NDUFS4: variants seen among roughly 807,000 people sequenced by gnomAD.
NDUFS4 encodes NADH dehydrogenase [ubiquinone] iron-sulfur protein 4, mitochondrial.
A neutral mutation model predicts 24.3 loss-of-function variants in NDUFS4; 28 were observed. The ratio of observed to expected loss-of-function variants is 1.15; its 90% confidence interval spans 0.85 to 1.58. NDUFS4 has a LOEUF of 1.58. NDUFS4 is among the 40% of genes most tolerant of loss of function. The pLI, the probability that NDUFS4 is intolerant of heterozygous loss-of-function variation, is 0.00. For synonymous variants in NDUFS4, 93 were observed against 69.7 expected (o/e 1.34, Z -1.67); for missense variants, 223 against 207.9 (o/e 1.07, Z -0.45).
At chr5:53,652,202 A>G (rs1378885959) in intron 3 of NDUFS4, among the ~76,000 whole-genome samples, 1 of 152,122 alleles carries the variant, frequency 6.6e-6, no homozygotes, top group Non-Finnish European at 1.5e-5. Flanking sequence ...GTGCAGTATA[A>G]GAAATATGAC....
intron 2 of NDUFS4, among the ~76,000 whole-genome samples, chr5:53,616,522 A>C (rs1174247032): frequency 6.6e-6 from 1 of 152,108 alleles, no homozygotes; most frequent in Non-Finnish European, 1.5e-5. Flanking sequence ...CTGTGTGAGT[A>C]TCTAAGGTAA....
chr5:53,671,119 A>G (rs535237548), intron 4 of NDUFS4, among the ~76,000 whole-genome samples: 1 of 152,088 alleles, frequency 6.6e-6, no homozygotes, highest in African/African-American at 2.4e-5. Context: ...TAGTATCTCT[A>G]TAAGTACACA....
chr5:53,599,341 CA>C lies in NDUFS4; in HGVS notation c.99-4110del, dbSNP rs550914562. 2.7e-4 allele frequency among the ~76,000 whole-genome samples: 41 copies of C among 152,210 alleles called. 1 individual carries two copies. In the South Asian group the frequency reaches 8.1e-3, roughly 30 times the overall value. On this transcript the variant is annotated intron_variant, in intron 1 of 4. Coordinates refer to ENST00000296684, the MANE Select transcript of NDUFS4 (RefSeq NM_002495.4). Reference sequence around the variant, plus strand: ...TTCTGTTTACTTTTTGAGAAACTGCCATACCATTTTCCATAGTGGTAGTACC... The same window carrying C: ...TTCTGTTTACTTTTTGAGAAACTGCCTACCATTTTCCATAGTGGTAGTACC...
intron 1 of NDUFS4, among the ~76,000 whole-genome samples, chr5:53,591,695 A>G (rs996197209): frequency 6.6e-6 from 1 of 152,214 alleles, no homozygotes; most frequent in Non-Finnish European, 1.5e-5. Flanking sequence ...CATTCCCACC[A>G]GCGATGAATG....
At chr5:53,584,386 G>A (rs574594910) in intron 1 of NDUFS4, among the ~76,000 whole-genome samples, 175 of 151,740 alleles carry the variant, frequency 1.2e-3, no homozygotes, top group African/African-American at 4.1e-3. Flanking sequence ...ATGGAGTTTC[G>A]GCCTTATCAC....
chr5:53,668,718 C>A (rs936306946), intron 4 of NDUFS4, among the ~76,000 whole-genome samples: 1 of 151,742 alleles, frequency 6.6e-6, no homozygotes, highest in Non-Finnish European at 1.5e-5. Flanking sequence ...GCCTTGGCCT[C>A]CCAAAGTGCT....
intron 2 of NDUFS4, among the ~76,000 whole-genome samples, chr5:53,621,374 TTCTG>T (rs201263298): frequency 0.011 from 1,730 of 152,246 alleles, 31 homozygotes; most frequent in African/African-American, 0.039. Flanking sequence ...GTTTGACAAT[TTCTG>T]TCTTTTAATT....
intron 4 of NDUFS4, among the ~76,000 whole-genome samples, chr5:53,659,549 C>T (rs1435071791): frequency 1.3e-5 from 2 of 152,146 alleles, no homozygotes; most frequent in East Asian, 1.9e-4. Context: ...CTGACCTTCA[C>T]CTCCCTCCAG....
intron 1 of NDUFS4, among the ~76,000 whole-genome samples, chr5:53,580,593 A>C (rs10036010): frequency 2.6e-5 from 4 of 152,140 alleles, no homozygotes; most frequent in African/African-American, 9.7e-5. Context: ...CAAATCCAGC[A>C]TACCTGAAAC....
intron 2 of NDUFS4, among the ~76,000 whole-genome samples, chr5:53,603,789 C>G (rs1750408797): frequency 1.3e-5 from 2 of 151,940 alleles, no homozygotes; most frequent in Non-Finnish European, 2.9e-5. Flanking sequence ...TTATAACTAG[C>G]AGAACATTCA....
chr5:53,565,142 A>T (rs1043569305), intron 1 of NDUFS4, among the ~76,000 whole-genome samples: 3 of 152,202 alleles, frequency 2.0e-5, no homozygotes, highest in Non-Finnish European at 2.9e-5. Context: ...CTCTGATGTG[A>T]GGTAGGTGTA....
intron 2 of NDUFS4, among the ~76,000 whole-genome samples, chr5:53,643,595 AG>A: frequency 6.6e-6 from 1 of 152,230 alleles, no homozygotes; most frequent in Middle Eastern, 3.4e-3. Flanking sequence ...CTTAAAGAAC[AG>A]GTTCTTCTGT....
chr5:53,664,605 T>C (rs1752454930), intron 4 of NDUFS4, among the ~76,000 whole-genome samples: 1 of 152,202 alleles, frequency 6.6e-6, no homozygotes, highest in African/African-American at 2.4e-5. Context: ...TGATACCCTT[T>C]CTTCCAGTTG....
chr5:53,593,598 C>A (rs1346274181), intron 1 of NDUFS4, among the ~76,000 whole-genome samples: 1 of 140,794 alleles, frequency 7.1e-6, no homozygotes, highest in Non-Finnish European at 1.6e-5. Flanking sequence ...GTTTATGTTG[C>A]CCTTTTTTTT....
At chr5:53,625,351 T>C (rs1751186647) in intron 2 of NDUFS4, among the ~76,000 whole-genome samples, 1 of 152,206 alleles carries the variant, frequency 6.6e-6, no homozygotes, top group Non-Finnish European at 1.5e-5. Flanking sequence ...TGTGGTTTTC[T>C]TTACATGTAT....
intron 2 of NDUFS4, among the ~76,000 whole-genome samples, chr5:53,610,345 A>C (rs191105646): frequency 2.6e-4 from 39 of 152,222 alleles, no homozygotes; most frequent in Middle Eastern, 3.4e-3. Context: ...ATATGGACGC[A>C]GTTTGTGGCA....
chr5:53,578,726 C>T (rs1451747339), intron 1 of NDUFS4, among the ~76,000 whole-genome samples: 1 of 152,152 alleles, frequency 6.6e-6, no homozygotes. Flanking sequence ...CTGTCCTGCT[C>T]CTCCTCGATG....
At chr5:53,653,384 G>A (rs748730222) in intron 3 of NDUFS4, among the ~76,000 whole-genome samples, 4 of 152,170 alleles carry the variant, frequency 2.6e-5, no homozygotes, top group African/African-American at 4.8e-5. Flanking sequence ...GCAAACAGAA[G>A]CATTGCCTGT....
intron 3 of NDUFS4, among the ~76,000 whole-genome samples, chr5:53,647,867 A>G (rs1751911569): frequency 1.3e-5 from 2 of 152,200 alleles, no homozygotes; most frequent in Non-Finnish European, 2.9e-5. Context: ...CAGTTTAAAT[A>G]GAATTATATT....
Sources: gnomAD v4.1 joint callset for allele counts (sites outside exome capture counted in the v4.1 genomes callset) on GRCh38, gnomAD v4.1.1 for gene constraint, MANE v1.5 for transcripts, NCBI Gene and HGNC (gene_info 2026-07-23, HGNC 2026-07-21) for gene names.